Variants in GALNT17 observed in about 807,000 individuals in gnomAD.
GALNT17 encodes UDP-GalNAc:polypeptide N-acetylgalactosaminyltransferase-like 3.
Under a neutral mutation model 63.7 loss-of-function variants are expected in GALNT17, and 29 were observed. The observed-to-expected ratio is 0.46, with a 90% CI of 0.34 to 0.62. The LOEUF (loss-of-function observed/expected upper bound fraction) is 0.62, where lower values mean the gene tolerates loss of function less well. GALNT17 is among the 20% of genes least tolerant of loss of function. The pLI is 0.01. For missense variants in GALNT17, 603 were observed against 799.6 expected, an observed-to-expected ratio of 0.75 and a Z score of 2.97; for synonymous variants, 305 against 318.3, an observed-to-expected ratio of 0.96 and a Z score of 0.45.
chr7:71,525,124 T>G (rs1339173063), intron 5 of GALNT17, among the ~76,000 whole-genome samples: 3 of 152,172 alleles, frequency 2.0e-5, no homozygotes, highest in Non-Finnish European at 4.4e-5. Context: ...GCAATTACTT[T>G]TGCACCAACT....
intron 1 of GALNT17, among the ~76,000 whole-genome samples, chr7:71,314,743 A>G (rs1791471695): frequency 6.6e-6 from 1 of 152,146 alleles, no homozygotes; most frequent in Non-Finnish European, 1.5e-5. Flanking sequence ...CTCTACAAGA[A>G]ATTAAAAACA....
intron 9 of GALNT17, among the ~76,000 whole-genome samples, chr7:71,699,995 G>A (rs1035450029): frequency 6.6e-6 from 1 of 151,838 alleles, no homozygotes; most frequent in Non-Finnish European, 1.5e-5. Context: ...TTTCCAGTAA[G>A]ATAGAATAAT....
chr7:71,365,987 G>T (rs1480866370), intron 2 of GALNT17, among the ~76,000 whole-genome samples: 2 of 152,290 alleles, frequency 1.3e-5, no homozygotes, highest in East Asian at 3.9e-4. Context: ...GGGGTGATGG[G>T]AGACAGTGAC....
intron 5 of GALNT17, among the ~76,000 whole-genome samples, chr7:71,463,287 A>G (rs1013817697): frequency 6.6e-6 from 1 of 152,192 alleles, no homozygotes; most frequent in African/African-American, 2.4e-5. Context: ...TATATATAGA[A>G]ACAATGGGGT....
intron 5 of GALNT17, among the ~76,000 whole-genome samples, chr7:71,423,807 A>G (rs961453810): frequency 2.0e-5 from 3 of 152,046 alleles, no homozygotes; most frequent in Non-Finnish European, 4.4e-5. Flanking sequence ...TTGTAATCTC[A>G]GCTACCCAGG....
At chr7:71,478,105 G>C (rs939754895) in intron 5 of GALNT17, among the ~76,000 whole-genome samples, 3 of 152,152 alleles carry the variant, frequency 2.0e-5, no homozygotes, top group Non-Finnish European at 4.4e-5. Flanking sequence ...TGGAGTTTTA[G>C]ATAAATCCGT....
intron 3 of GALNT17, among the ~76,000 whole-genome samples, chr7:71,391,371 G>T (rs974846279): frequency 6.6e-6 from 1 of 152,200 alleles, no homozygotes; most frequent in South Asian, 2.1e-4. Flanking sequence ...CTCCTTGACC[G>T]CAGGGATCTC....
chr7:71,525,242 C>T (rs1171203227), intron 5 of GALNT17, among the ~76,000 whole-genome samples: 1 of 152,258 alleles, frequency 6.6e-6, no homozygotes, highest in Non-Finnish European at 1.5e-5. Flanking sequence ...CTGGTGTGAT[C>T]GCTGCTCACT....
chr7:71,571,313 G>C lies in GALNT17; in HGVS notation c.991G>C (p.Val331Leu). The stretch of plus-strand genomic sequence containing the variant: ...CCCAGCCATGATAGGCTGCTCGTTC[G>C]TGGTCAACAGGAAGTTCTTCGGTGA... ...RTPAMIGCSF[V>L]VNRKFFGEIG... Residue 331 changes from valine (V) to leucine (L), a missense_variant, in exon 6 of 11, where the codon GTG becomes CTG. Coordinates refer to ENST00000333538, the MANE Select transcript of GALNT17 (RefSeq NM_022479.3). The C allele has an allele frequency of 1.2e-6, 2 of 1,614,032 alleles. No individual in the cohort carries two copies. The highest frequency in any genetic ancestry group is 1.3e-5 in the African/African-American group (1 of 75,042).
At chr7:71,597,949 CTT>C (rs536969294) in intron 6 of GALNT17, among the ~76,000 whole-genome samples, 7 of 145,326 alleles carry the variant, frequency 4.8e-5, no homozygotes, top group East Asian at 2.0e-4. Flanking sequence ...CTTTCATTTC[CTT>C]TTTTTTTTTT....
chr7:71,161,667 G>A (rs1332312557), intron 1 of GALNT17, among the ~76,000 whole-genome samples: 1 of 151,812 alleles, frequency 6.6e-6, no homozygotes, highest in Non-Finnish European at 1.5e-5. Context: ...CAATTTTTTT[G>A]CATGTAACTT....
intron 6 of GALNT17, among the ~76,000 whole-genome samples, chr7:71,644,214 C>T (rs1335376321): frequency 6.6e-6 from 1 of 151,500 alleles, no homozygotes; most frequent in Non-Finnish European, 1.5e-5. Context: ...CCAGCCCGGG[C>T]AACATAGTGA....
intron 5 of GALNT17, among the ~76,000 whole-genome samples, chr7:71,441,770 A>G (rs569285548): frequency 6.6e-6 from 1 of 152,292 alleles, no homozygotes; most frequent in East Asian, 1.9e-4. Flanking sequence ...GCTGAGAAGC[A>G]TGGTTTCCAG....
chr7:71,326,261 C>T (rs1324339840), intron 1 of GALNT17, among the ~76,000 whole-genome samples: 1 of 152,122 alleles, frequency 6.6e-6, no homozygotes, highest in Non-Finnish European at 1.5e-5. Context: ...AGTTTGGGAC[C>T]TGCTTGGGCA....
At chr7:71,252,303 G>A (rs1206428603) in intron 1 of GALNT17, among the ~76,000 whole-genome samples, 1 of 151,484 alleles carries the variant, frequency 6.6e-6, no homozygotes, top group Non-Finnish European at 1.5e-5. Flanking sequence ...GAGGCAGGCG[G>A]ATCACAAGGA....
intron 5 of GALNT17, among the ~76,000 whole-genome samples, chr7:71,478,695 G>A (rs944724142): frequency 2.0e-5 from 3 of 152,098 alleles, no homozygotes; most frequent in Non-Finnish European, 1.5e-5. Context: ...TGGGAGCCAG[G>A]CTTCTCCAGT....
chr7:71,628,781 A>T (rs936497305), intron 6 of GALNT17, among the ~76,000 whole-genome samples: 1 of 151,992 alleles, frequency 6.6e-6, no homozygotes, highest in Non-Finnish European at 1.5e-5. Context: ...TAATATAAAA[A>T]ATTAGCCAGG....
chr7:71,151,095 T>C (rs1049915444), intron 1 of GALNT17, among the ~76,000 whole-genome samples: 7 of 151,912 alleles, frequency 4.6e-5, no homozygotes, highest in Admixed American at 3.9e-4. Flanking sequence ...GTTCAGCCAT[T>C]GAGATTTTGG....
At chr7:71,561,046 T>C (rs1482414173) in intron 5 of GALNT17, among the ~76,000 whole-genome samples, 1 of 152,182 alleles carries the variant, frequency 6.6e-6, no homozygotes, top group African/African-American at 2.4e-5. Flanking sequence ...AGAGTCTCGC[T>C]CTGTCGGCCA....
Sources: allele counts gnomAD v4.1 joint callset (sites outside exome capture counted in the v4.1 genomes callset), GRCh38; gene constraint gnomAD v4.1.1; transcripts MANE v1.5; gene names NCBI Gene and HGNC (gene_info 2026-07-23, HGNC 2026-07-21).